Variants in USP7 observed in about 807,000 individuals in gnomAD.
The protein encoded by USP7 is ubiquitin C-terminal hydrolase 7.
Under a neutral mutation model 162.9 loss-of-function variants are expected in USP7, and 9 were observed. That is an observed-to-expected ratio of 0.06 (90% CI 0.03 to 0.10). The LOEUF (loss-of-function observed/expected upper bound fraction) is 0.10, where lower values mean the gene tolerates loss of function less well. Among genes scored for constraint, USP7 ranks in the 10% least tolerant of loss-of-function variants. The pLI is 1.00. For synonymous variants in USP7, 562 were observed against 475.9 expected, an observed-to-expected ratio of 1.18 and a Z score of -2.35; for missense variants, 715 against 1,373.7, an observed-to-expected ratio of 0.52 and a Z score of 7.58.
chr16:8,963,145 G>A lies in USP7; in HGVS notation c.79+62C>T, dbSNP rs1900088960. ...GCGAGCCCCTCGCGTGGCTCCCGCG[G>A]CTCCCCCGGCCACAATGAAAGGCGC... On this transcript the variant is annotated intron_variant, in intron 1 of 30. Transcript: ENST00000344836. 4 of 1,324,076 alleles carry A rather than the reference G, an allele frequency of 3.0e-6. No homozygotes were observed. The South Asian group carries it at 4.4e-5, about 15-fold the overall frequency. The allele number at this position is 1,324,076 out of a possible 1,614,324, so 82.0% of individuals were successfully genotyped here. A position where few individuals can be genotyped will look rare whatever the true frequency, so the allele number is the denominator to read the frequency against.
At chr16:8,899,856 G>T in intron 21 of USP7, 99 bp from the exon 22 acceptor site, 4 of 1,383,082 alleles carry the variant, frequency 2.9e-6, no homozygotes, top group Non-Finnish European at 4.1e-6. Context: ...ACACCAACAG[G>T]CTCTCTTGCA....
intron 1 of USP7, among the ~76,000 whole-genome samples, chr16:8,956,538 G>A (rs901096982): frequency 2.6e-5 from 4 of 152,184 alleles, no homozygotes; most frequent in Admixed American, 2.6e-4. Flanking sequence ...GCGGAGGCGG[G>A]CAGACTGCCT....
chr16:8,951,006 G>A (rs1309480948), intron 1 of USP7, among the ~76,000 whole-genome samples: 3 of 152,166 alleles, frequency 2.0e-5, no homozygotes, highest in Non-Finnish European at 2.9e-5. Flanking sequence ...CTGATGCAAC[G>A]TCCCAAGAAT....
intron 17 of USP7, 70 bp from the exon 18 acceptor site, chr16:8,902,257 C>G: frequency 6.3e-7 from 1 of 1,587,200 alleles, no homozygotes; most frequent in Non-Finnish European, 8.6e-7. Flanking sequence ...AAACTACAGT[C>G]AAGTATTGAA....
Position 8,919,142 on chromosome 16 carries a change from G to A in USP7, c.612-3C>T, listed in dbSNP as rs1897536814. On this transcript the variant is annotated splice_region_variant and splice_polypyrimidine_tract_variant and intron_variant, in intron 5 of 30. Coordinates refer to ENST00000344836, the MANE Select transcript of USP7 (RefSeq NM_003470.3). ...CTGTGTGCTTCTTTGAATCCCACCT[G>A]AAAGATCAGTTCAAGGTTGAGGGGA... 2 of 1,613,962 alleles carry A rather than the reference G, an allele frequency of 1.2e-6. No homozygotes were observed. The highest frequency in any genetic ancestry group is 1.7e-6 in the Non-Finnish European group (2 of 1,179,944).
rs2061619918 is a variant in USP7, at chr16:8,892,852, C to T, written c.*1146G>A. ...AATATACAGGAAGAGTTGGTGTACA[C>T]TGCTCCCACAGAAACAACCCAAAAA... On this transcript the variant is annotated 3_prime_UTR_variant, in exon 31 of 31. Coordinates refer to ENST00000344836, the MANE Select transcript of USP7 (RefSeq NM_003470.3). 6.6e-6 allele frequency: 1 copy of T among 152,274 alleles called. No individual in the cohort carries two copies. Among genetic ancestry groups the T allele is most frequent in the African/African-American group, 2.4e-5 (1 of 41,554 alleles). The allele number at this position is 152,274 out of a possible 1,614,324, so 9.4% of individuals were successfully genotyped here.
At chr16:8,900,883 T>G in intron 20 of USP7, 107 bp downstream of exon 20, 1 of 1,144,724 alleles carries the variant, frequency 8.7e-7, no homozygotes, top group Non-Finnish European at 1.2e-6. Flanking sequence ...GGCCCTGAGT[T>G]AGCTGGTAGA....
chr16:8,902,278 A>G, intron 17 of USP7, 91 bp from the exon 18 acceptor site: 1 of 1,580,310 alleles, frequency 6.3e-7, no homozygotes, highest in Non-Finnish European at 8.7e-7. Context: ...GAAAACGTCC[A>G]ATTCTAGTTA....
chr16:8,917,693 T>G (rs909968228), intron 6 of USP7, among the ~76,000 whole-genome samples: 3 of 151,828 alleles, frequency 2.0e-5, no homozygotes, highest in African/African-American at 7.3e-5. Flanking sequence ...CCATATGTTC[T>G]TGATAAAAAG....
intron 21 of USP7, 69 bp downstream of exon 21, chr16:8,900,461 C>T: frequency 8.3e-7 from 1 of 1,202,886 alleles, no homozygotes; most frequent in South Asian, 1.7e-5. Flanking sequence ...ACAAATGTTT[C>T]TTGGTTCTAC....
chr16:8,961,880 C>T (rs1053834648), intron 1 of USP7, among the ~76,000 whole-genome samples: 4 of 152,164 alleles, frequency 2.6e-5, no homozygotes, highest in South Asian at 4.1e-4. Context: ...AAACAGATAA[C>T]CCAGTCCTTG....
chr16:8,950,826 G>A (rs554171577), intron 1 of USP7, among the ~76,000 whole-genome samples: 3 of 152,292 alleles, frequency 2.0e-5, no homozygotes, highest in East Asian at 1.9e-4. Context: ...TGATCTGAGC[G>A]GGCACTATTT....
At chr16:8,930,515 C>T (rs1596391689) in intron 1 of USP7, 118 bp from the exon 2 acceptor site, 4 of 669,552 alleles carry the variant, frequency 6.0e-6, no homozygotes, top group East Asian at 5.9e-5. Context: ...AATTGTACCA[C>T]AATAAAGATT....
At chr16:8,932,698 T>C (rs1898435306) in intron 1 of USP7, among the ~76,000 whole-genome samples, 1 of 152,196 alleles carries the variant, frequency 6.6e-6, no homozygotes, top group South Asian at 2.1e-4. Context: ...ATCAAATCTT[T>C]AAAAAGTTTT....
At chr16:8,897,716 AAAAAAAAAAAATATAT>A (rs1349776497) in intron 25 of USP7, among the ~76,000 whole-genome samples, 3 of 46,218 alleles carry the variant, frequency 6.5e-5, no homozygotes, top group Non-Finnish European at 1.2e-4. Context: ...AAAAAAAAAA[AAAAAAAAAAAATATAT>A]ATATATATAT....
At chr16:8,958,499 G>A (rs944370850) in intron 1 of USP7, among the ~76,000 whole-genome samples, 1 of 152,320 alleles carries the variant, frequency 6.6e-6, no homozygotes, top group Non-Finnish European at 1.5e-5. Flanking sequence ...AGGCAGGCTG[G>A]AAGCAGGACC....
At chr16:8,945,738 T>G (rs1899247174) in intron 1 of USP7, among the ~76,000 whole-genome samples, 1 of 151,832 alleles carries the variant, frequency 6.6e-6, no homozygotes, top group South Asian at 2.1e-4. Flanking sequence ...AAAGATTGAG[T>G]AGGTAAAACA....
intron 20 of USP7, 167 bp from the exon 21 acceptor site, chr16:8,900,797 C>A: frequency 1.4e-6 from 1 of 707,730 alleles, no homozygotes; most frequent in East Asian, 2.8e-5. Flanking sequence ...AAATATGTAA[C>A]AATCAGATTT....
chr16:8,912,701 T>C (rs1259697909), intron 10 of USP7, among the ~76,000 whole-genome samples: 2 of 151,584 alleles, frequency 1.3e-5, no homozygotes, highest in Admixed American at 6.6e-5. Flanking sequence ...GCGGGCAGAC[T>C]GATTGGGCAC....
Sources: gnomAD v4.1 joint callset for allele counts (sites outside exome capture counted in the v4.1 genomes callset) on GRCh38, gnomAD v4.1.1 for gene constraint, MANE v1.5 for transcripts, NCBI Gene and HGNC (gene_info 2026-07-23, HGNC 2026-07-21) for gene names.